Variants in SPAG9 observed in about 807,000 individuals in gnomAD.
SPAG9 encodes the protein sperm associated antigen 9, also known as C-Jun-amino-terminal kinase-interacting protein 4.
A neutral mutation model predicts 166.5 loss-of-function variants in SPAG9; 35 were observed. The observed-to-expected ratio is 0.21, with a 90% CI of 0.16 to 0.28. The LOEUF (loss-of-function observed/expected upper bound fraction) is 0.28. Among genes scored for constraint, SPAG9 ranks in the 10% least tolerant of loss-of-function variants. SPAG9 has a pLI of 1.00. For missense variants in SPAG9, 1,235 were observed against 1,603.3 expected (o/e 0.77, Z 3.92); for synonymous variants, 534 against 565.5 (o/e 0.94, Z 0.79).
rs955026114 is a variant in SPAG9, at chr17:50,964,505, T to A, written c.*1767A>T. The A allele has an allele frequency of 4.7e-5, 8 of 169,390 alleles. No individual in the cohort carries two copies. The highest frequency in any genetic ancestry group is 1.9e-4 in the Admixed American group (3 of 15,396). 10.5% of individuals were successfully genotyped at this position (169,390 alleles called of 1,614,324 possible). On this transcript the variant is annotated 3_prime_UTR_variant, in exon 30 of 30. Coordinates refer to ENST00000262013, the MANE Select transcript of SPAG9 (RefSeq NM_001130528.3). The stretch of plus-strand genomic sequence containing the variant: ...TGGGAGGCTGAGGCAGGAGAACTAC[T>A]TGAACCTGAGAGGTGGAGGTTGCAG...
At chr17:51,081,464 C>T (rs1448132334) in intron 1 of SPAG9, among the ~76,000 whole-genome samples, 2 of 151,544 alleles carry the variant, frequency 1.3e-5, no homozygotes, top group South Asian at 2.1e-4. Flanking sequence ...AAAAAGCAGG[C>T]CAGGAGCAGT....
intron 2 of SPAG9, among the ~76,000 whole-genome samples, chr17:51,062,681 G>A (rs1284154177): frequency 3.9e-5 from 6 of 152,174 alleles, no homozygotes; most frequent in African/African-American, 1.2e-4. Context: ...ACCTCCGCCT[G>A]CCAGGTTCGA....
intron 16 of SPAG9, chr17:50,995,799 G>C: frequency 2.8e-6 from 1 of 359,148 alleles, no homozygotes; most frequent in Non-Finnish European, 5.0e-6. Flanking sequence ...AGGTAGCTGG[G>C]ACTACAGGCA....
At chr17:51,095,949 A>AG (rs1321495881) in intron 1 of SPAG9, among the ~76,000 whole-genome samples, 2 of 114,424 alleles carry the variant, frequency 1.7e-5, no homozygotes, top group African/African-American at 5.3e-5. Context: ...ATATAGTTAT[A>AG]TATATAGTGA....
At position 50,977,140 on chromosome 17, in the gene SPAG9, T is replaced by C. The variant is rs1477918359; in HGVS notation, c.3491A>G (p.Asn1164Ser). ...SCNRLWVGTG[N>S]GVIISIPLTE... ...CAATGGGATGGAGATAATGACACCA[T>C]TTCCTGTCCCCACCCACAAACGATT... Residue 1164 changes from asparagine (N) to serine (S), a missense_variant, in exon 27 of 30, where the codon AAT becomes AGT. Coordinates refer to ENST00000262013, the MANE Select transcript of SPAG9 (RefSeq NM_001130528.3). 2 of 1,612,750 alleles carry C rather than the reference T, an allele frequency of 1.2e-6. No homozygotes were observed.
intron 2 of SPAG9, among the ~76,000 whole-genome samples, chr17:51,073,760 A>G (rs908706017): frequency 2.0e-5 from 3 of 152,236 alleles, no homozygotes; most frequent in African/African-American, 7.2e-5. Context: ...TAGAAAAGAG[A>G]AAAAGACTCC....
At chr17:51,071,454 T>G (rs2047817781) in intron 2 of SPAG9, among the ~76,000 whole-genome samples, 1 of 152,216 alleles carries the variant, frequency 6.6e-6, no homozygotes, top group Non-Finnish European at 1.5e-5. Context: ...GACGTATTAT[T>G]GCTGCTCCAG....
chr17:51,052,593 T>C (rs141365073), intron 3 of SPAG9, among the ~76,000 whole-genome samples: 130 of 152,160 alleles, frequency 8.5e-4, no homozygotes, highest in African/African-American at 3.0e-3. Flanking sequence ...CTGAGATCTT[T>C]TTTTCTTCCT....
chr17:50,978,968 G>C (rs1974386977), intron 26 of SPAG9, among the ~76,000 whole-genome samples: 1 of 152,164 alleles, frequency 6.6e-6, no homozygotes, highest in African/African-American at 2.4e-5. Flanking sequence ...TAGAGATAAA[G>C]AAGTAACTGA....
intron 4 of SPAG9, among the ~76,000 whole-genome samples, chr17:51,045,494 T>C (rs1157985385): frequency 1.3e-5 from 2 of 152,110 alleles, no homozygotes; most frequent in East Asian, 1.9e-4. Context: ...TCAACTAATA[T>C]TAAACTTGAA....
At chr17:50,989,447 T>C (rs955477926) in intron 21 of SPAG9, 1 of 573,788 alleles carries the variant, frequency 1.7e-6, no homozygotes, top group Non-Finnish European at 3.1e-6. Context: ...GATTATACTT[T>C]TATAGATAAG....
intron 21 of SPAG9, 143 bp downstream of exon 21, chr17:50,989,534 T>G: frequency 1.3e-6 from 1 of 751,464 alleles, no homozygotes; most frequent in Non-Finnish European, 2.3e-6. Context: ...CGGGAATACA[T>G]GAAATTATCA....
chr17:51,107,165 C>G (rs541938372), intron 1 of SPAG9, among the ~76,000 whole-genome samples: 4 of 151,808 alleles, frequency 2.6e-5, no homozygotes, highest in African/African-American at 9.7e-5. Context: ...TTCTAAGCAT[C>G]TATGTTTCTG....
chr17:50,990,091 G>A, intron 20 of SPAG9: 1 of 570,974 alleles, frequency 1.8e-6, no homozygotes, highest in Non-Finnish European at 3.1e-6. Flanking sequence ...GCGGCGGCGT[G>A]ATCTTGGCTC....
chr17:51,051,657 T>C (rs763682386), intron 3 of SPAG9, among the ~76,000 whole-genome samples: 23 of 151,864 alleles, frequency 1.5e-4, no homozygotes, highest in Non-Finnish European at 1.0e-4. Flanking sequence ...GAGGCGGAGG[T>C]TGCAGTGGGC....
intron 1 of SPAG9, among the ~76,000 whole-genome samples, chr17:51,102,928 G>A (rs1455877217): frequency 6.6e-6 from 1 of 152,054 alleles, no homozygotes; most frequent in Non-Finnish European, 1.5e-5. Flanking sequence ...TACCCGGCTT[G>A]AATTCCTACA....
chr17:51,003,383 T>C (rs1334349794), intron 12 of SPAG9, among the ~76,000 whole-genome samples: 2 of 152,230 alleles, frequency 1.3e-5, no homozygotes, highest in Non-Finnish European at 2.9e-5. Context: ...TTTTAATTCA[T>C]GCTCTGTAAC....
chr17:51,005,082 A>G (rs1177776195), intron 12 of SPAG9, 130 bp downstream of exon 12: 2 of 746,906 alleles, frequency 2.7e-6, no homozygotes, highest in Non-Finnish European at 4.4e-6. Flanking sequence ...TATCCTATTC[A>G]TGACCATAAA....
At position 51,051,393 on chromosome 17, in the gene SPAG9, C is replaced by T. The variant is rs150079511; in HGVS notation, c.496-3924G>A. Among the ~76,000 whole-genome samples, 1,275 of 152,212 alleles carry T rather than the reference C, an allele frequency of 8.4e-3. 8 individuals are homozygous for T. The highest frequency in any genetic ancestry group is 0.012 in the Non-Finnish European group (831 of 67,996). On this transcript the variant is annotated intron_variant, in intron 3 of 29. Coordinates refer to ENST00000262013, the MANE Select transcript of SPAG9 (RefSeq NM_001130528.3). ...AAAGTGCTGGGATAACAGGCGTGAG[C>T]CACTGCACTCGGCCAAGGTGTTAGT...
Sources: gnomAD v4.1 joint callset for allele counts (sites outside exome capture counted in the v4.1 genomes callset) on GRCh38, gnomAD v4.1.1 for gene constraint, MANE v1.5 for transcripts, NCBI Gene and HGNC (gene_info 2026-07-23, HGNC 2026-07-21) for gene names.